ABCB5: variants seen among roughly 807,000 people sequenced by gnomAD.
ABCB5 encodes the protein ATP-binding cassette sub-family B member 5.
In ABCB5, 155 loss-of-function variants were observed where a neutral mutation model predicts 144.2. That is an observed-to-expected ratio of 1.08 (90% CI 0.94 to 1.23). ABCB5 has a LOEUF of 1.23. Among genes scored for constraint, ABCB5 ranks in the 50% most tolerant of loss-of-function variants. ABCB5 has a pLI of 0.00. For missense variants in ABCB5, 1,830 were observed against 1,520.8 expected, an observed-to-expected ratio of 1.20 and a Z score of -3.38; for synonymous variants, 610 against 528.6, an observed-to-expected ratio of 1.15 and a Z score of -2.11.
chr7:20,706,768 T>A (rs565689078), intron 20 of ABCB5, among the ~76,000 whole-genome samples: 2 of 152,094 alleles, frequency 1.3e-5, no homozygotes, highest in Non-Finnish European at 2.9e-5. Context: ...GGCTGATCAG[T>A]AGTGGGATAG....
chr7:20,626,855 GT>G (rs1373571424), intron 3 of ABCB5, among the ~76,000 whole-genome samples: 22 of 13,764 alleles, frequency 1.6e-3, no homozygotes, highest in East Asian at 6.3e-3. Flanking sequence ...TGTTTTTGGG[GT>G]GTGTGTGTGT....
intron 20 of ABCB5, among the ~76,000 whole-genome samples, chr7:20,709,300 T>C (rs1786932144): frequency 6.7e-6 from 1 of 150,070 alleles, no homozygotes; most frequent in Non-Finnish European, 1.5e-5. Flanking sequence ...TTTCATATTT[T>C]AGTTTTGCGA....
chr7:20,679,731 T>C (rs4719622), intron 14 of ABCB5, among the ~76,000 whole-genome samples: 50,529 of 151,950 alleles, frequency 0.33, 9,091 homozygotes, highest in East Asian at 0.71. Flanking sequence ...CAAATAAAAA[T>C]ATGATAGTTC....
intron 5 of ABCB5, among the ~76,000 whole-genome samples, chr7:20,638,644 G>T (rs1784216259): frequency 6.6e-6 from 1 of 152,126 alleles, no homozygotes; most frequent in African/African-American, 2.4e-5. Flanking sequence ...CTTTTGTTTG[G>T]CATACTGTTT....
intron 9 of ABCB5, among the ~76,000 whole-genome samples, chr7:20,646,529 G>A (rs1365954014): frequency 6.6e-6 from 1 of 152,150 alleles, no homozygotes; most frequent in Non-Finnish European, 1.5e-5. Flanking sequence ...CTCTGGAAAT[G>A]GTCTGTAGAG....
intron 11 of ABCB5, among the ~76,000 whole-genome samples, chr7:20,649,406 T>C (rs546216034): frequency 8.4e-4 from 128 of 152,266 alleles, no homozygotes; most frequent in African/African-American, 2.9e-3. Context: ...AGGATCACTG[T>C]TGTCATTTCG....
chr7:20,699,744 C>A (rs896821590), intron 17 of ABCB5, 81 bp from the exon 18 acceptor site: 35 of 883,000 alleles, frequency 4.0e-5, no homozygotes, highest in Non-Finnish European at 1.0e-5. Flanking sequence ...TTTTAAAACT[C>A]CTGATATACA....
At chr7:20,705,058 G>A (rs1039305354) in intron 20 of ABCB5, among the ~76,000 whole-genome samples, 1 of 152,100 alleles carries the variant, frequency 6.6e-6, no homozygotes, top group Non-Finnish European at 1.5e-5. Flanking sequence ...CTAAAGAAGA[G>A]ACCAAGAATA....
Position 20,629,145 on chromosome 7 carries a change from C to CGTGTGTGTGTGTGTGTGTGT in ABCB5, c.259+328_259+347dup, listed in dbSNP as rs149986314. On this transcript the variant is annotated intron_variant, in intron 4 of 27. Transcript: ENST00000404938. ...TAGAAACAAAGAGAGAGAGAGACTG[C>CGTGTGTGTGTGTGTGTGTGT]GTGTGTGTGTGTGTGTGTGTGTGTG... 1.4e-3 allele frequency among the ~76,000 whole-genome samples: 190 copies of CGTGTGTGTGTGTGTGTGTGT among 135,156 alleles called. 3 individuals carry two copies. The highest frequency in any genetic ancestry group is 2.0e-3 in the African/African-American group (70 of 35,764). The allele number at this position is 135,156 out of a possible 152,430, so 88.7% of individuals were successfully genotyped here. A position where few individuals can be genotyped will look rare whatever the true frequency, so the allele number is the denominator to read the frequency against.
chr7:20,735,009 A>G (rs1001641396), intron 23 of ABCB5, among the ~76,000 whole-genome samples: 4 of 152,170 alleles, frequency 2.6e-5, no homozygotes, highest in African/African-American at 9.7e-5. Context: ...ACCAAGAACC[A>G]TTCCTAATCA....
At chr7:20,638,224 A>G (rs914290835) in intron 5 of ABCB5, among the ~76,000 whole-genome samples, 7 of 152,212 alleles carry the variant, frequency 4.6e-5, no homozygotes, top group Non-Finnish European at 8.8e-5. Flanking sequence ...AAAGAAGACA[A>G]TTAAATCACT....
chr7:20,685,607 G>T, intron 15 of ABCB5, 89 bp from the exon 16 acceptor site: 1 of 1,197,590 alleles, frequency 8.4e-7, no homozygotes, highest in Non-Finnish European at 1.1e-6. Flanking sequence ...AATAGCAAAG[G>T]CGATAACAGC....
intron 3 of ABCB5, among the ~76,000 whole-genome samples, chr7:20,628,449 T>C (rs1234795347): frequency 1.3e-5 from 2 of 152,208 alleles, no homozygotes; most frequent in African/African-American, 2.4e-5. Flanking sequence ...CTATTGTGAA[T>C]AGTCAGCTGC....
chr7:20,719,377 A>T (rs1781786608), intron 20 of ABCB5, among the ~76,000 whole-genome samples: 2 of 152,224 alleles, frequency 1.3e-5, no homozygotes, highest in African/African-American at 4.8e-5. Flanking sequence ...AAGGTATTTT[A>T]AAAATTTATT....
chr7:20,716,860 T>G (rs905773989), intron 20 of ABCB5, among the ~76,000 whole-genome samples: 4 of 152,138 alleles, frequency 2.6e-5, no homozygotes, highest in Admixed American at 6.5e-5. Context: ...GCAATACAGC[T>G]TTCCCTTAGG....
chr7:20,678,059 G>A (rs964690348), intron 14 of ABCB5, among the ~76,000 whole-genome samples: 2 of 151,494 alleles, frequency 1.3e-5, no homozygotes, highest in East Asian at 1.9e-4. Context: ...AATAAAATTG[G>A]GAAAACTGAG....
At chr7:20,744,893 G>T (rs1782672531) in intron 25 of ABCB5, among the ~76,000 whole-genome samples, 1 of 152,194 alleles carries the variant, frequency 6.6e-6, no homozygotes, top group South Asian at 2.1e-4. Flanking sequence ...ATATGAGATG[G>T]TGTTGTTAAG....
rs574592723 is a variant in ABCB5, at chr7:20,717,883, C to CTT, written c.2422-5098_2422-5097dup. Among the ~76,000 whole-genome samples the CTT allele has an allele frequency of 8.9e-3, 387 of 43,264 alleles. 161 individuals are homozygous for CTT. The highest frequency in any genetic ancestry group is 0.015 in the African/African-American group (201 of 13,656). The allele number at this position is 43,264 out of a possible 152,430, so 28.4% of individuals were successfully genotyped here. On this transcript the variant is annotated intron_variant, in intron 20 of 27. Coordinates refer to ENST00000404938, the MANE Select transcript of ABCB5 (RefSeq NM_001163941.2). ...AATACGGTAACATTCTTGTAACATT[C>CTT]TTTTTTTTTTTTTTTTTTTTTTTTT...
At chr7:20,682,212 GAACA>G (rs1026834019) in intron 15 of ABCB5, among the ~76,000 whole-genome samples, 8 of 151,926 alleles carry the variant, frequency 5.3e-5, no homozygotes, top group South Asian at 2.1e-4. Flanking sequence ...TCAAAAAAAC[GAACA>G]AACAAACAAA....
Sources: allele counts gnomAD v4.1 joint callset (sites outside exome capture counted in the v4.1 genomes callset), GRCh38; gene constraint gnomAD v4.1.1; transcripts MANE v1.5; gene names NCBI Gene and HGNC (gene_info 2026-07-23, HGNC 2026-07-21).